The following AOPEP variants were observed in gnomAD, a reference collection of about 807,000 sequenced individuals.
The protein encoded by AOPEP is aminopeptidase O.
In AOPEP, 77 loss-of-function variants were observed where a neutral mutation model predicts 98.1. The observed-to-expected ratio is 0.78, with a 90% CI of 0.65 to 0.95. AOPEP has a LOEUF of 0.95. AOPEP is among the 40% of genes least tolerant of loss of function. The pLI, the probability that AOPEP is intolerant of heterozygous loss-of-function variation, is 0.00. For synonymous variants in AOPEP, 346 were observed against 365.3 expected (o/e 0.95, Z 0.60); for missense variants, 1,024 against 1,024.7 (o/e 1.00, Z 0.01).
At chr9:94,806,218 G>A (rs948902379) in intron 5 of AOPEP, among the ~76,000 whole-genome samples, 2 of 152,100 alleles carry the variant, frequency 1.3e-5, no homozygotes, top group East Asian at 1.9e-4. Flanking sequence ...TACTTTCTCC[G>A]ATGTGCTGCA....
intron 13 of AOPEP, among the ~76,000 whole-genome samples, chr9:95,015,756 T>TA (rs1260304961): frequency 6.6e-6 from 1 of 152,220 alleles, no homozygotes; most frequent in African/African-American, 2.4e-5. Flanking sequence ...AGGATACAAA[T>TA]ACCTGTGCAG....
At chr9:94,931,659 T>C (rs778741397) in intron 7 of AOPEP, 18 of 1,064,026 alleles carry the variant, frequency 1.7e-5, no homozygotes, top group Non-Finnish European at 2.4e-5. Context: ...AGATGCCCCA[T>C]GGTCTTGAAA....
the AOPEP span, among the ~76,000 whole-genome samples, chr9:95,096,826 G>A: frequency 6.6e-6 from 1 of 152,222 alleles, no homozygotes; most frequent in Non-Finnish European, 1.5e-5. Context: ...AGCTTGCCTG[G>A]CTGTTCATGA....
chr9:94,767,934 AGAGT>A (rs1416670160), intron 2 of AOPEP, among the ~76,000 whole-genome samples: 3 of 152,190 alleles, frequency 2.0e-5, no homozygotes, highest in Non-Finnish European at 4.4e-5. Context: ...TATAGGAGAG[AGAGT>A]GAGTCATTGC....
At chr9:94,817,866 T>A (rs1852053261) in intron 5 of AOPEP, among the ~76,000 whole-genome samples, 1 of 151,820 alleles carries the variant, frequency 6.6e-6, no homozygotes, top group African/African-American at 2.4e-5. Flanking sequence ...AGGAGCTGAG[T>A]TTAAAGAAAA....
Position 94,933,699 on chromosome 9 carries a change from C to T in AOPEP, c.1661+5168C>T, listed in dbSNP as rs990797466. 3.1e-6 allele frequency: 3 copies of T among 980,452 alleles called. No individual in the cohort carries two copies. In the African/African-American group the frequency reaches 5.3e-5, roughly 17 times the overall value. The allele number at this position is 980,452 out of a possible 1,614,324, so 60.7% of individuals were successfully genotyped here. A position where few individuals can be genotyped will look rare whatever the true frequency, so the allele number is the denominator to read the frequency against. On this transcript the variant is annotated intron_variant, in intron 7 of 16. Transcript: ENST00000375315. ...GTGTTGTGAATTTGTATGATGCCTA[C>T]TGTACATTCCACTTAAAATAGGAAG...
In AOPEP at chr9:94,791,203, G is replaced by T. The variant is rs191836767; in HGVS notation, c.965-1562G>T. Reference sequence around the variant, plus strand: ...TGTCCTTTGCAGCAACATGGATGGGGCTGGAGGTCATTATCCTAAGTGAAC... The same window carrying T: ...TGTCCTTTGCAGCAACATGGATGGGTCTGGAGGTCATTATCCTAAGTGAAC... On this transcript the variant is annotated intron_variant, in intron 3 of 16. Transcript: ENST00000375315. 3.9e-5 allele frequency among the ~76,000 whole-genome samples: 6 copies of T among 152,260 alleles called. 1 individual carries two copies. Among genetic ancestry groups the T allele is most frequent in the Admixed American group, 3.9e-4 (6 of 15,304 alleles).
chr9:94,741,312 G>T lies in AOPEP; in HGVS notation c.-136+14561G>T, dbSNP rs140777361. On this transcript the variant is annotated intron_variant, in intron 1 of 16. Coordinates refer to ENST00000375315, the MANE Select transcript of AOPEP (RefSeq NM_001193329.3). The stretch of plus-strand genomic sequence containing the variant: ...TTTTGAGATGGAGTCTTGCTCTGTC[G>T]CCCAGGCTGGAGTGCAGTGGTGCGA... 1.3e-4 allele frequency among the ~76,000 whole-genome samples: 19 copies of T among 148,990 alleles called. No homozygotes were observed. The South Asian group carries it at 1.5e-3, about 12-fold the overall frequency.
At chr9:95,100,242 A>G in the AOPEP span, 1 of 233,038 alleles carries the variant, frequency 4.3e-6, no homozygotes, top group Non-Finnish European at 8.5e-6. Flanking sequence ...GAAGCATGTT[A>G]TATGAAGGCA....
At chr9:94,807,647 C>A (rs564532961) in intron 5 of AOPEP, among the ~76,000 whole-genome samples, 1 of 152,318 alleles carries the variant, frequency 6.6e-6, no homozygotes, top group Admixed American at 6.5e-5. Flanking sequence ...CATACACACT[C>A]CCTGGGTGAA....
chr9:95,093,645 A>G, the AOPEP span, among the ~76,000 whole-genome samples: 1 of 152,188 alleles, frequency 6.6e-6, no homozygotes, highest in East Asian at 1.9e-4. Flanking sequence ...CCAAATCACT[A>G]TAATGAAGTT....
rs545439718 is a variant in AOPEP at position 94,769,275 on chromosome 9, T to A, written c.798-3727T>A. Among the ~76,000 whole-genome samples, 75 of 152,338 alleles carry A rather than the reference T, an allele frequency of 4.9e-4. 1 individual carries two copies. The highest frequency in any genetic ancestry group is 6.2e-4 in the South Asian group (3 of 4,832). On this transcript the variant is annotated intron_variant, in intron 2 of 16. Coordinates refer to ENST00000375315, the MANE Select transcript of AOPEP (RefSeq NM_001193329.3). ...TGTAGCTACCCAACTGTAGACTGAT[T>A]TCAGGTTTGCACTGTGATGTCAGAC...
At chr9:94,992,839 T>C (rs2060984873) in intron 11 of AOPEP, among the ~76,000 whole-genome samples, 1 of 152,240 alleles carries the variant, frequency 6.6e-6, no homozygotes, top group African/African-American at 2.4e-5. Flanking sequence ...GTGTCTTTCC[T>C]TCTGTCCTTG....
chr9:94,772,356 T>C (rs531109482), intron 2 of AOPEP, among the ~76,000 whole-genome samples: 1 of 152,332 alleles, frequency 6.6e-6, no homozygotes, highest in East Asian at 1.9e-4. Flanking sequence ...TGAGTCCTAA[T>C]GCTGTGTCAT....
intron 11 of AOPEP, among the ~76,000 whole-genome samples, chr9:94,996,350 CTGTG>C (rs10608161): frequency 0.029 from 4,073 of 141,824 alleles, 127 homozygotes; most frequent in African/African-American, 0.076. Context: ...TTACTTGCCT[CTGTG>C]TGTGTGTGTG....
At chr9:94,954,076 G>A (rs918605673) in intron 7 of AOPEP, among the ~76,000 whole-genome samples, 23 of 152,122 alleles carry the variant, frequency 1.5e-4, no homozygotes, top group African/African-American at 5.6e-4. Flanking sequence ...TAATCCCAAC[G>A]CTTTGGGAGG....
At chr9:95,118,070 G>C in the AOPEP span, among the ~76,000 whole-genome samples, 1 of 152,062 alleles carries the variant, frequency 6.6e-6, no homozygotes, top group Non-Finnish European at 1.5e-5. Flanking sequence ...GCAGGCTGGA[G>C]TGCAGAGGCA....
rs114722691 is a variant in AOPEP, at chr9:94,924,390, G to A, written c.1554+215G>A. On this transcript the variant is annotated intron_variant, in intron 6 of 16. Transcript: ENST00000375315. Reference sequence around the variant, plus strand: ...GAGAGTAGACAAGTGAATCAGTAATGGGTCAAGTGTTGGAGTACTGTGAAG... The same window carrying A: ...GAGAGTAGACAAGTGAATCAGTAATAGGTCAAGTGTTGGAGTACTGTGAAG... Among the ~76,000 whole-genome samples, 748 of 152,278 alleles carry A rather than the reference G, an allele frequency of 4.9e-3. 7 individuals carry two copies. The highest frequency in any genetic ancestry group is 0.017 in the African/African-American group (717 of 41,562).
At chr9:94,863,865 A>G (rs188783145) in intron 5 of AOPEP, among the ~76,000 whole-genome samples, 28 of 152,304 alleles carry the variant, frequency 1.8e-4, no homozygotes, top group Non-Finnish European at 3.7e-4. Context: ...ACTGTCCTTC[A>G]AGGAGCTTTC....
Sources: allele counts gnomAD v4.1 joint callset (sites outside exome capture counted in the v4.1 genomes callset), GRCh38; gene constraint gnomAD v4.1.1; transcripts MANE v1.5; gene names NCBI Gene and HGNC (gene_info 2026-07-23, HGNC 2026-07-21).